Variants in INO80 observed in about 807,000 individuals in gnomAD.
The protein encoded by INO80 is INO80 complex ATPase subunit.
Under a neutral mutation model 203.4 loss-of-function variants are expected in INO80, and 20 were observed. That is an observed-to-expected ratio of 0.10 (90% CI 0.07 to 0.14). The LOEUF is 0.14. Ranked by LOEUF, INO80 falls within the 10% of genes least tolerant of loss-of-function variation. The pLI is 1.00. For synonymous variants in INO80, 726 were observed against 685.2 expected, an observed-to-expected ratio of 1.06 and a Z score of -0.93; for missense variants, 1,419 against 1,914.4, an observed-to-expected ratio of 0.74 and a Z score of 4.83.
chr15:40,997,470 A>C, intron 29 of INO80, 59 bp downstream of exon 29: 2 of 1,098,456 alleles, frequency 1.8e-6, no homozygotes, highest in Non-Finnish European at 2.8e-6. Context: ...AAAAACCTAC[A>C]TAGTAGGTTT....
At chr15:41,104,705 T>A (rs185939994) in intron 1 of INO80, among the ~76,000 whole-genome samples, 1 of 151,520 alleles carries the variant, frequency 6.6e-6, no homozygotes, top group Admixed American at 6.6e-5. Flanking sequence ...ACCTGGCTAA[T>A]TTTTTTTGTA....
At chr15:40,991,321 G>A (rs567349503) in intron 29 of INO80, among the ~76,000 whole-genome samples, 203 of 152,182 alleles carry the variant, frequency 1.3e-3, no homozygotes, top group Non-Finnish European at 3.5e-4. Context: ...TATGAAATAC[G>A]TACAAACTAA....
chr15:41,004,131 T>A (rs541063550), intron 28 of INO80, among the ~76,000 whole-genome samples: 59 of 152,366 alleles, frequency 3.9e-4, no homozygotes, highest in African/African-American at 1.3e-3. Flanking sequence ...TAGAATCTAC[T>A]GGTAGCTTCC....
chr15:41,090,449 C>T (rs1312752061), intron 5 of INO80, among the ~76,000 whole-genome samples: 4 of 152,088 alleles, frequency 2.6e-5, no homozygotes, highest in Admixed American at 2.0e-4. Context: ...TGGTGGCACA[C>T]GCCTGTAATC....
rs149389079 is a variant in INO80, at chr15:41,002,939, C to T, written c.3497+2654G>A. ...CTAACATAGTGAAACCTTGTCTCTA[C>T]TAAAAATACAAAAATACAAAAATAC... On this transcript the variant is annotated intron_variant, in intron 28 of 35. Transcript: ENST00000648947. 1.4e-4 allele frequency among the ~76,000 whole-genome samples: 21 copies of T among 152,136 alleles called. No individual in the cohort carries two copies. The East Asian group carries it at 2.1e-3, about 15-fold the overall frequency.
intron 11 of INO80, among the ~76,000 whole-genome samples, chr15:41,073,094 A>T (rs545085676): frequency 5.9e-5 from 9 of 152,190 alleles, no homozygotes; most frequent in African/African-American, 2.2e-4. Flanking sequence ...GGTCTTTTTC[A>T]TTAAACATCT....
At chr15:40,983,246 C>T (rs1215863643) in intron 34 of INO80, 169 bp from the exon 35 acceptor site, 3 of 596,014 alleles carry the variant, frequency 5.0e-6, no homozygotes, top group Non-Finnish European at 8.9e-6. Context: ...CTGAGTCACA[C>T]AGAATACTAA....
intron 19 of INO80, among the ~76,000 whole-genome samples, chr15:41,051,760 C>T (rs766501327): frequency 6.6e-6 from 1 of 152,136 alleles, no homozygotes. Context: ...CGAGACCATC[C>T]TGGCCAACCA....
intron 8 of INO80, 48 bp from the exon 9 acceptor site, chr15:41,079,952 C>A: frequency 1.3e-6 from 2 of 1,504,846 alleles, no homozygotes; most frequent in East Asian, 2.3e-5. Flanking sequence ...ATACCAGAAG[C>A]TGGTTCTTCC....
intron 24 of INO80, among the ~76,000 whole-genome samples, chr15:41,032,801 C>G (rs181988586): frequency 2.6e-5 from 4 of 152,002 alleles, no homozygotes; most frequent in African/African-American, 9.7e-5. Context: ...GCACTCTGGG[C>G]GGCTGAGGAG....
At chr15:41,036,929 C>T (rs969336406) in intron 24 of INO80, among the ~76,000 whole-genome samples, 12 of 152,078 alleles carry the variant, frequency 7.9e-5, no homozygotes, top group Non-Finnish European at 1.8e-4. Context: ...GGCAAAACCC[C>T]GTCTCTCTAC....
intron 12 of INO80, 76 bp downstream of exon 12, chr15:41,071,773 C>T: frequency 7.5e-7 from 1 of 1,337,984 alleles, no homozygotes; most frequent in East Asian, 2.3e-5. Context: ...ATCTTGTACT[C>T]ATTTCACAAT....
chr15:41,100,420 T>C (rs2045790878), intron 1 of INO80, among the ~76,000 whole-genome samples: 1 of 152,132 alleles, frequency 6.6e-6, no homozygotes, highest in East Asian at 1.9e-4. Flanking sequence ...CCTATGTGAG[T>C]ATGAAATCAA....
Position 41,058,768 on chromosome 15 carries a change from G to T in INO80, c.1856C>A (p.Thr619Asn). 3 of 1,611,586 alleles carry T rather than the reference G, an allele frequency of 1.9e-6. No individual in the cohort carries two copies. Among genetic ancestry groups the T allele is most frequent in the Non-Finnish European group, 1.7e-6 (2 of 1,179,116 alleles). The change falls in exon 16 of 36, where the codon ACT (threonine) becomes AAT (asparagine). Residue 619 changes from threonine to asparagine, a missense_variant. By Grantham distance (65) the Thr-to-Asn change is moderately conservative. Around this residue, in one of 9 missense-constraint regions of INO80, gnomAD observed 192 missense variants for 406.7 expected, o/e 0.47. Coordinates refer to ENST00000648947, the MANE Select transcript of INO80 (RefSeq NM_017553.3). ...RRFWSQKTLY[T>N]QDAPFHVVIT... ...AACCACATGGAAGGGGGCATCCTGA[G>T]TGTAGAGGGTCTTCTGTAAATATAA...
At chr15:41,026,087 A>G (rs563405712) in intron 25 of INO80, among the ~76,000 whole-genome samples, 18 of 152,360 alleles carry the variant, frequency 1.2e-4, no homozygotes, top group Admixed American at 9.8e-4. Flanking sequence ...GCACAGGAGC[A>G]GCAGACAGAA....
chr15:41,114,985 T>C (rs1189042520), intron 1 of INO80, among the ~76,000 whole-genome samples: 1 of 152,098 alleles, frequency 6.6e-6, no homozygotes, highest in Admixed American at 6.6e-5. Flanking sequence ...TTCAGAAAAT[T>C]ACTTAATTAT....
chr15:41,080,118 T>C (rs1207561811), intron 8 of INO80, among the ~76,000 whole-genome samples: 1 of 152,222 alleles, frequency 6.6e-6, no homozygotes, highest in East Asian at 1.9e-4. Context: ...ATCCAATTTC[T>C]ATCACCTTAG....
intron 28 of INO80, chr15:41,005,262 A>AT (rs1039401413): frequency 1.6e-5 from 3 of 187,708 alleles, no homozygotes; most frequent in Non-Finnish European, 2.2e-5. Flanking sequence ...AGGCTGGTGG[A>AT]TTTTTTTCTA....
intron 25 of INO80, among the ~76,000 whole-genome samples, chr15:41,025,355 G>C (rs1391333738): frequency 6.6e-6 from 1 of 152,056 alleles, no homozygotes; most frequent in Non-Finnish European, 1.5e-5. Flanking sequence ...AAAAAATGAA[G>C]AACTTTCAGG....
Sources: allele counts gnomAD v4.1 joint callset (sites outside exome capture counted in the v4.1 genomes callset), GRCh38; gene constraint gnomAD v4.1.1; regional missense constraint gnomAD v4.1.1; transcripts MANE v1.5; gene names NCBI Gene and HGNC (gene_info 2026-07-23, HGNC 2026-07-21).